Variants in RYR3 observed in about 807,000 individuals in gnomAD.
RYR3 encodes the protein ryanodine receptor 3, also known as brain ryanodine receptor-calcium release channel.
In RYR3, 207 loss-of-function variants were observed where a neutral mutation model predicts 584.3. The ratio of observed to expected loss-of-function variants is 0.35; its 90% CI spans 0.32 to 0.40. The LOEUF is 0.40. RYR3 is among the 10% of genes least tolerant of loss of function. The pLI is 1.00. For synonymous variants in RYR3, 2,416 were observed against 2,248.5 expected (o/e 1.07, Z -2.11); for missense variants, 5,616 against 6,089.2 (o/e 0.92, Z 2.59).
chr15:33,864,527 G>C (rs929456144), intron 103 of RYR3, among the ~76,000 whole-genome samples: 6 of 152,196 alleles, frequency 3.9e-5, no homozygotes, highest in Non-Finnish European at 7.3e-5. Flanking sequence ...GAGTACAACG[G>C]AGTGAGAGAC....
At chr15:33,627,182 G>T (rs551513790) in intron 20 of RYR3, among the ~76,000 whole-genome samples, 1 of 152,158 alleles carries the variant, frequency 6.6e-6, no homozygotes, top group African/African-American at 2.4e-5. Context: ...TGTGGGTCCC[G>T]TGTTAGCCAT....
intron 1 of RYR3, among the ~76,000 whole-genome samples, chr15:33,439,262 CAT>C (rs1254802086): frequency 6.6e-6 from 1 of 152,132 alleles, no homozygotes; most frequent in Non-Finnish European, 1.5e-5. Flanking sequence ...GTATAGTTTT[CAT>C]ATGACAGTCT....
rs1296124289 is a variant in RYR3, at chr15:33,540,822, T to C, written c.578T>C (p.Val193Ala). ...TCAGTATCAAATGGTAACATACAAGTGGATGCCTCCTTTATGCAAACACTC... is the reference window on the plus strand; with the variant it reads ...TCAGTATCAAATGGTAACATACAAGCGGATGCCTCCTTTATGCAAACACTC... ...HLSVSNGNIQ[V>A]DASFMQTLWN... The change falls in exon 7 of 104, where the codon GTG (valine) becomes GCG (alanine). Residue 193 changes from valine to alanine, a missense_variant. Physicochemically the swap from Val to Ala is moderately conservative, Grantham distance 64 (BLOSUM62 0). This residue lies in a region of RYR3 where 1,284 missense variants were observed against 1,344.6 expected (regional missense o/e 0.95). Coordinates refer to ENST00000634891, the MANE Select transcript of RYR3 (RefSeq NM_001036.6). 6.2e-7 allele frequency: 1 copy of C among 1,612,096 alleles called. No homozygotes were observed. The highest frequency in any genetic ancestry group is 8.5e-7 in the Non-Finnish European group (1 of 1,178,316).
Position 33,841,880 on chromosome 15 carries a change from A to G in RYR3, c.13054A>G (p.Lys4352Glu), listed in dbSNP as rs2078390792. Residue 4352 changes from lysine (K) to glutamate (E), a missense_variant, in exon 91 of 104, where the codon AAG (lysine) becomes GAG (glutamate). Lys to Glu is a moderately conservative substitution (Grantham distance 56). Transcript: ENST00000634891. ...SEKADMEDGE[K>E]EDKDKEEEQA... Reference sequence around the variant, plus strand: ...TTTCTGCAGCATGGAAGATGGAGAGAAGGAAGACAAAGACAAAGAAGAGGA... The same window carrying G: ...TTTCTGCAGCATGGAAGATGGAGAGGAGGAAGACAAAGACAAAGAAGAGGA... 1 of 1,595,292 alleles carries G rather than the reference A, an allele frequency of 6.3e-7. No individual in the cohort carries two copies. The highest frequency in any genetic ancestry group is 1.3e-5 in the African/African-American group (1 of 74,502).
At chr15:33,537,904 G>A (rs1263124408) in intron 5 of RYR3, among the ~76,000 whole-genome samples, 1 of 151,762 alleles carries the variant, frequency 6.6e-6, no homozygotes, top group African/African-American at 2.4e-5. Flanking sequence ...CCTCTAGGTT[G>A]GTTTTTTGAT....
intron 35 of RYR3, among the ~76,000 whole-genome samples, 177 bp downstream of exon 35, chr15:33,663,125 GA>G (rs1396123205): frequency 6.6e-6 from 1 of 152,168 alleles, no homozygotes; most frequent in Non-Finnish European, 1.5e-5. Flanking sequence ...AAAGTGATAA[GA>G]TTGGTAATAA....
intron 16 of RYR3, among the ~76,000 whole-genome samples, chr15:33,593,243 C>A (rs2059218972): frequency 6.6e-6 from 1 of 151,334 alleles, no homozygotes; most frequent in Admixed American, 6.6e-5. Flanking sequence ...AGACATTTTC[C>A]TTTCACATTT....
chr15:33,857,807 G>A lies in RYR3; in HGVS notation c.14035G>A (p.Val4679Met), dbSNP rs764675070. The A allele has an allele frequency of 8.1e-6, 13 of 1,613,986 alleles. No individual in the cohort carries two copies. Among genetic ancestry groups the A allele is most frequent in the South Asian group, 6.6e-5 (6 of 91,088 alleles). ...GGTTCTGACTGTCGGTCTCCTGGCC[G>A]TGGTGGTTTATCTCTATACTGTGGT... is the stretch of plus-strand genomic sequence containing the variant. ...QLVLTVGLLA[V>M]VVYLYTVVAF... The change falls in exon 99 of 104, where the codon GTG becomes ATG. Residue 4679 changes from valine to methionine, a missense_variant. Transcript: ENST00000634891.
intron 10 of RYR3, among the ~76,000 whole-genome samples, chr15:33,554,316 G>A (rs7165400): frequency 0.73 from 103,682 of 142,756 alleles, 38,982 homozygotes; most frequent in Middle Eastern, 0.87. Flanking sequence ...TTTTTTTGAG[G>A]TGGAGTCTCG....
At chr15:33,533,778 A>C (rs973188465) in intron 5 of RYR3, among the ~76,000 whole-genome samples, 2 of 152,202 alleles carry the variant, frequency 1.3e-5, no homozygotes, top group African/African-American at 4.8e-5. Context: ...GAGTAGTCCT[A>C]TTTTGTTCTG....
chr15:33,633,292 T>C (rs2061353106), intron 24 of RYR3, among the ~76,000 whole-genome samples, 184 bp downstream of exon 24: 1 of 152,232 alleles, frequency 6.6e-6, no homozygotes, highest in Non-Finnish European at 1.5e-5. Flanking sequence ...AGTCACTTCA[T>C]AGCTCAGCAG....
intron 36 of RYR3, among the ~76,000 whole-genome samples, chr15:33,667,488 T>C (rs2063549212): frequency 6.6e-6 from 1 of 152,198 alleles, no homozygotes; most frequent in Non-Finnish European, 1.5e-5. Flanking sequence ...TTACAGTGGT[T>C]ACGGTATCTA....
chr15:33,345,093 T>C (rs74838333), intron 1 of RYR3, among the ~76,000 whole-genome samples: 2,333 of 152,200 alleles, frequency 0.015, 63 homozygotes, highest in African/African-American at 0.053. Context: ...TTTTCTTTTC[T>C]TTTCTTTTTC....
chr15:33,688,701 C>T (rs528638672), intron 38 of RYR3, among the ~76,000 whole-genome samples: 12 of 151,814 alleles, frequency 7.9e-5, no homozygotes, highest in African/African-American at 2.7e-4. Flanking sequence ...GTTAGAATGG[C>T]GATCATTAAA....
intron 1 of RYR3, among the ~76,000 whole-genome samples, chr15:33,457,679 T>G (rs1208850106): frequency 6.6e-6 from 1 of 152,204 alleles, no homozygotes; most frequent in Non-Finnish European, 1.5e-5. Flanking sequence ...GTGACTACGA[T>G]TCACAATATC....
intron 2 of RYR3, among the ~76,000 whole-genome samples, chr15:33,488,798 C>A (rs1246911004): frequency 6.6e-6 from 1 of 152,116 alleles, no homozygotes; most frequent in African/African-American, 2.4e-5. Flanking sequence ...TTGCAGTGAG[C>A]CGAGACTGCA....
intron 32 of RYR3, among the ~76,000 whole-genome samples, chr15:33,654,510 TA>T (rs11327967): frequency 0.6 from 89,585 of 148,336 alleles, 26,797 homozygotes; most frequent in Admixed American, 0.66. Context: ...GACCCTGTCT[TA>T]AAAAAAAAAA....
intron 85 of RYR3, among the ~76,000 whole-genome samples, chr15:33,828,450 C>G (rs34762614): frequency 0.24 from 36,245 of 152,134 alleles, 4,503 homozygotes; most frequent in Middle Eastern, 0.4. Context: ...GCCCCTTGCA[C>G]TAAACAGCCA....
intron 18 of RYR3, among the ~76,000 whole-genome samples, chr15:33,609,083 G>A (rs1405969421): frequency 3.3e-5 from 5 of 152,240 alleles, no homozygotes; most frequent in Admixed American, 6.5e-5. Context: ...CTCAGAGGAC[G>A]GGAGAGAGGA....
Sources: allele counts gnomAD v4.1 joint callset (sites outside exome capture counted in the v4.1 genomes callset), GRCh38; gene constraint gnomAD v4.1.1; regional missense constraint gnomAD v4.1.1; transcripts MANE v1.5; gene names NCBI Gene and HGNC (gene_info 2026-07-23, HGNC 2026-07-21).